The following KCNQ5 variants were observed in gnomAD, a reference collection of about 807,000 sequenced individuals.
KCNQ5 encodes the protein potassium voltage-gated channel subfamily KQT member 5.
KCNQ5 carries 30 observed loss-of-function variants against 98.2 expected under a neutral mutation model. The ratio of observed to expected loss-of-function variants is 0.31; its 90% confidence interval spans 0.23 to 0.41. KCNQ5 has a LOEUF of 0.41. KCNQ5 is among the 10% of genes least tolerant of loss of function. The probability of loss-of-function intolerance (pLI) is 1.00; values close to 1 mark genes in which losing one functional copy is unlikely to be tolerated. For missense variants in KCNQ5, 835 were observed against 1,182.5 expected (o/e 0.71, Z 4.31); for synonymous variants, 458 against 449.4 (o/e 1.02, Z -0.24).
chr6:73,139,988 C>T (rs866148026), intron 10 of KCNQ5, among the ~76,000 whole-genome samples: 7 of 149,638 alleles, frequency 4.7e-5, no homozygotes, highest in African/African-American at 1.3e-4. Flanking sequence ...TAGTTCATCC[C>T]CTTCCTCTCT....
Position 73,133,649 on chromosome 6 carries a change from C to A in KCNQ5, c.1468+8C>A. ...CAAAACCAGTGATAGATGGTAAGCC[C>A]TGTTTTTCCATAACCATTTTTAATT... is the stretch of plus-strand genomic sequence containing the variant. On this transcript the variant is annotated splice_region_variant and intron_variant, in intron 10 of 13. Coordinates refer to ENST00000370398, the MANE Select transcript of KCNQ5 (RefSeq NM_019842.4). The A allele has an allele frequency of 3.1e-6, 5 of 1,613,254 alleles. No individual in the cohort carries two copies. The highest frequency in any genetic ancestry group is 4.2e-6 in the Non-Finnish European group (5 of 1,179,284).
intron 5 of KCNQ5, among the ~76,000 whole-genome samples, chr6:73,089,654 T>C (rs1774151009): frequency 2.0e-5 from 3 of 152,158 alleles, no homozygotes; most frequent in Admixed American, 1.3e-4. Context: ...AGTGAGAACA[T>C]AGGATGTTTG....
At chr6:72,909,275 G>A (rs1437888218) in intron 1 of KCNQ5, among the ~76,000 whole-genome samples, 3 of 152,176 alleles carry the variant, frequency 2.0e-5, no homozygotes, top group East Asian at 1.9e-4. Context: ...GGGGCAGACA[G>A]AAGAGAGATG....
intron 1 of KCNQ5, among the ~76,000 whole-genome samples, chr6:72,926,985 G>A (rs1026736360): frequency 6.6e-6 from 1 of 152,074 alleles, no homozygotes; most frequent in African/African-American, 2.4e-5. Flanking sequence ...TTACCATGGT[G>A]ACTTCTCTTC....
At chr6:72,839,051 A>T (rs1437634676) in intron 1 of KCNQ5, among the ~76,000 whole-genome samples, 2 of 151,742 alleles carry the variant, frequency 1.3e-5, no homozygotes, top group Non-Finnish European at 2.9e-5. Flanking sequence ...TTCACTTTTT[A>T]CATAGGACTG....
rs1489068751 is a variant in KCNQ5 at position 72,679,274 on chromosome 6, G to A, written c.398+56687G>A. ...TGCTGCTATAAAGACACATGCACAC[G>A]TATGTTTATTGCGACACTATTCACA... On this transcript the variant is annotated intron_variant, in intron 1 of 13. Coordinates refer to ENST00000370398, the MANE Select transcript of KCNQ5 (RefSeq NM_019842.4). Among the ~76,000 whole-genome samples the A allele has an allele frequency of 3.9e-5, 6 of 152,026 alleles. No homozygotes were observed. The East Asian group carries it at 5.8e-4, about 15-fold the overall frequency.
At chr6:73,116,797 G>T (rs1582387833) in intron 7 of KCNQ5, among the ~76,000 whole-genome samples, 1 of 152,170 alleles carries the variant, frequency 6.6e-6, no homozygotes, top group Admixed American at 6.5e-5. Flanking sequence ...GGGATTGCTG[G>T]TTCATAGCCT....
chr6:72,893,739 C>T (rs1198908221), intron 1 of KCNQ5, among the ~76,000 whole-genome samples: 1 of 152,132 alleles, frequency 6.6e-6, no homozygotes, highest in Non-Finnish European at 1.5e-5. Flanking sequence ...AGTGAGTAAT[C>T]CACGAACATT....
At chr6:72,900,613 T>A (rs1313320331) in intron 1 of KCNQ5, among the ~76,000 whole-genome samples, 1 of 151,602 alleles carries the variant, frequency 6.6e-6, no homozygotes, top group Non-Finnish European at 1.5e-5. Context: ...GCTATAAACA[T>A]GCATGTGCAA....
intron 5 of KCNQ5, among the ~76,000 whole-genome samples, chr6:73,095,826 A>G (rs1350772895): frequency 6.6e-6 from 1 of 152,200 alleles, no homozygotes; most frequent in African/African-American, 2.4e-5. Context: ...GGTGTCTCCT[A>G]GGTCCTTCAG....
intron 1 of KCNQ5, among the ~76,000 whole-genome samples, chr6:72,906,019 G>C (rs1298690959): frequency 1.3e-5 from 2 of 151,834 alleles, no homozygotes; most frequent in East Asian, 3.9e-4. Flanking sequence ...CCATCAGGTG[G>C]GGGCAGGGCT....
intron 1 of KCNQ5, among the ~76,000 whole-genome samples, chr6:72,907,532 C>G (rs1324288112): frequency 2.0e-5 from 3 of 152,116 alleles, no homozygotes; most frequent in African/African-American, 7.2e-5. Flanking sequence ...CTTCCTTTCT[C>G]TACTATGAAA....
chr6:72,957,666 C>T (rs1361949320), intron 1 of KCNQ5, among the ~76,000 whole-genome samples: 1 of 152,024 alleles, frequency 6.6e-6, no homozygotes, highest in Non-Finnish European at 1.5e-5. Flanking sequence ...TTGTTTTCAT[C>T]GAAATGCTAA....
At position 73,127,475 on chromosome 6, in the gene KCNQ5, A is replaced by G. The variant is rs7775477; in HGVS notation, c.1247+2963A>G. On this transcript the variant is annotated intron_variant, in intron 9 of 13. Coordinates refer to ENST00000370398, the MANE Select transcript of KCNQ5 (RefSeq NM_019842.4). ...AGAAACCCAAGTGTAGATGAACTCA[A>G]CACAGCAGCCAACATCCGCCTCTGG... 2.6e-5 allele frequency among the ~76,000 whole-genome samples: 4 copies of G among 151,944 alleles called. No homozygotes were observed. In the East Asian group the frequency reaches 7.8e-4, roughly 29 times the overall value.
At chr6:72,763,106 T>C (rs975226910) in intron 1 of KCNQ5, among the ~76,000 whole-genome samples, 1 of 152,058 alleles carries the variant, frequency 6.6e-6, no homozygotes, top group Admixed American at 6.6e-5. Flanking sequence ...AATGCATCAC[T>C]TATTTATTAC....
At chr6:72,762,361 G>A (rs1400548184) in intron 1 of KCNQ5, among the ~76,000 whole-genome samples, 1 of 151,866 alleles carries the variant, frequency 6.6e-6, no homozygotes, top group Non-Finnish European at 1.5e-5. Flanking sequence ...AATTACTCAG[G>A]CCTGGGTTTT....
At chr6:73,020,029 A>G (rs1257694663) in intron 2 of KCNQ5, among the ~76,000 whole-genome samples, 2 of 152,020 alleles carry the variant, frequency 1.3e-5, no homozygotes, top group Non-Finnish European at 2.9e-5. Flanking sequence ...CACTCACAAT[A>G]CAGAACACTT....
chr6:73,192,114 A>C lies in KCNQ5; in HGVS notation c.1710-451A>C, dbSNP rs533601907. On this transcript the variant is annotated intron_variant, in intron 12 of 13. Transcript: ENST00000370398. Reference sequence around the variant, plus strand: ...AGAACCAATCTTGGGTTTCTAGCTCATGTATCTTCTCCAACTTGAACTCCG... The same window carrying C: ...AGAACCAATCTTGGGTTTCTAGCTCCTGTATCTTCTCCAACTTGAACTCCG... Among the ~76,000 whole-genome samples the C allele has an allele frequency of 3.3e-5, 5 of 152,342 alleles. No individual in the cohort carries two copies. The South Asian group carries it at 1.0e-3, about 32-fold the overall frequency.
chr6:72,925,263 C>T lies in KCNQ5; in HGVS notation c.399-78645C>T, dbSNP rs114465060. Among the ~76,000 whole-genome samples, 965 of 152,150 alleles carry T rather than the reference C, an allele frequency of 6.3e-3. 15 individuals are homozygous for T. Among genetic ancestry groups the T allele is most frequent in the African/African-American group, 0.022 (898 of 41,500 alleles). On this transcript the variant is annotated intron_variant, in intron 1 of 13. Transcript: ENST00000370398. ...CAGAGGCAAGATAATATATATGGAG[C>T]CTTGGAAATCTAGATGAGCTTACAG...
Sources: gnomAD v4.1 joint callset for allele counts (sites outside exome capture counted in the v4.1 genomes callset) on GRCh38, gnomAD v4.1.1 for gene constraint, MANE v1.5 for transcripts, NCBI Gene and HGNC (gene_info 2026-07-23, HGNC 2026-07-21) for gene names.